FNDC3A: variants seen among roughly 807,000 people sequenced by gnomAD.
FNDC3A encodes the protein fibronectin type III domain containing 3A, also known as fibronectin type-III domain-containing protein 3A.
A neutral mutation model predicts 148.9 loss-of-function variants in FNDC3A; 32 were observed. That is an observed-to-expected ratio of 0.21 (90% confidence interval 0.16 to 0.29). The LOEUF (loss-of-function observed/expected upper bound fraction) is 0.29, where lower values mean the gene tolerates loss of function less well. Among genes scored for constraint, FNDC3A ranks in the 10% least tolerant of loss-of-function variants. FNDC3A has a pLI of 1.00. For missense variants in FNDC3A, 1,191 were observed against 1,452.8 expected, an observed-to-expected ratio of 0.82 and a Z score of 2.93; for synonymous variants, 472 against 473.6, an observed-to-expected ratio of 1.00 and a Z score of 0.04.
At chr13:49,049,134 A>T (rs1875637088) in intron 2 of FNDC3A, among the ~76,000 whole-genome samples, 1 of 152,196 alleles carries the variant, frequency 6.6e-6, no homozygotes, top group Non-Finnish European at 1.5e-5. Flanking sequence ...ATGTTAAGCC[A>T]TCCCTGCATC....
intron 2 of FNDC3A, among the ~76,000 whole-genome samples, chr13:49,054,339 G>A (rs374136122): frequency 2.6e-5 from 4 of 152,176 alleles, no homozygotes; most frequent in South Asian, 4.1e-4. Context: ...TAAAAAGAAT[G>A]TAATGGTTGA....
chr13:49,013,642 A>G (rs1466480808), intron 2 of FNDC3A, among the ~76,000 whole-genome samples: 1 of 150,842 alleles, frequency 6.6e-6, no homozygotes, highest in Non-Finnish European at 1.5e-5. Context: ...GTATACATGT[A>G]CATGTGTATA....
chr13:49,057,849 A>G (rs1016168431), intron 2 of FNDC3A, among the ~76,000 whole-genome samples: 8 of 152,172 alleles, frequency 5.3e-5, no homozygotes, highest in Non-Finnish European at 1.0e-4. Context: ...AGTTCTCTCC[A>G]TTCTCTGCAA....
In FNDC3A at chr13:49,138,807, TA is replaced by T; in HGVS notation, c.819+4del. On this transcript the variant is annotated splice_donor_region_variant and intron_variant, in intron 7 of 25. Transcript: ENST00000492622. ...CTTTCCAACATTGTCAAACCAGTGG[TA>T]AGTATCTTATGTATTTTATTGATGT... 1 of 1,446,038 alleles carries T rather than the reference TA, an allele frequency of 6.9e-7. No homozygotes were observed. The highest frequency in any genetic ancestry group is 9.6e-7 in the Non-Finnish European group (1 of 1,044,642). The allele number at this position is 1,446,038 out of a possible 1,614,324, so 89.6% of individuals were successfully genotyped here.
rs983843897 is a variant in FNDC3A at position 49,174,792 on chromosome 13, A to T, written c.1355+233A>T. On this transcript the variant is annotated intron_variant, in intron 12 of 25. Coordinates refer to ENST00000492622, the MANE Select transcript of FNDC3A (RefSeq NM_001079673.2). The stretch of plus-strand genomic sequence containing the variant: ...TCCAAGATTTTCAGATATAAATTAG[A>T]TTTTTATATGTGACAAAGAGATTTT... 3.9e-5 allele frequency among the ~76,000 whole-genome samples: 6 copies of T among 152,300 alleles called. No homozygotes were observed. In the South Asian group the frequency reaches 1.2e-3, roughly 32 times the overall value.
chr13:49,019,378 G>T (rs1008478366), intron 2 of FNDC3A, among the ~76,000 whole-genome samples: 4 of 152,244 alleles, frequency 2.6e-5, no homozygotes, highest in Admixed American at 6.5e-5. Context: ...GGTGCCGTCT[G>T]TCACCCCTTT....
chr13:49,185,430 A>G (rs994296319), intron 14 of FNDC3A, among the ~76,000 whole-genome samples: 2 of 152,112 alleles, frequency 1.3e-5, no homozygotes, highest in African/African-American at 4.8e-5. Flanking sequence ...GTTCACTCAC[A>G]TGGTTGTCTC....
At chr13:49,127,232 A>G (rs1881755777) in intron 4 of FNDC3A, among the ~76,000 whole-genome samples, 1 of 152,310 alleles carries the variant, frequency 6.6e-6, no homozygotes. Context: ...TCTCTGCTAG[A>G]TTATTTTCAT....
intron 1 of FNDC3A, among the ~76,000 whole-genome samples, chr13:48,986,542 C>T (rs975971352): frequency 2.0e-5 from 3 of 151,522 alleles, no homozygotes; most frequent in South Asian, 2.1e-4. Flanking sequence ...ACCAGAAGCA[C>T]GTGCCACCAC....
intron 4 of FNDC3A, among the ~76,000 whole-genome samples, chr13:49,115,633 T>G (rs1880902047): frequency 6.6e-6 from 1 of 152,200 alleles, no homozygotes; most frequent in Non-Finnish European, 1.5e-5. Flanking sequence ...TTTCAAACCT[T>G]TGCTGGCTGC....
rs116884218 is a variant in FNDC3A at position 49,115,541 on chromosome 13, C to A, written c.252+810C>A. Reference sequence around the variant, plus strand: ...CTGTGAAGCACACCATCATATGAACCACAGCAAAAGAAGAGCGTGCTGGGA... The same window carrying A: ...CTGTGAAGCACACCATCATATGAACAACAGCAAAAGAAGAGCGTGCTGGGA... On this transcript the variant is annotated intron_variant, in intron 4 of 25. Transcript: ENST00000492622. 1.4e-4 allele frequency among the ~76,000 whole-genome samples: 22 copies of A among 152,226 alleles called. No individual in the cohort carries two copies. The East Asian group carries it at 3.9e-3, about 27-fold the overall frequency.
intron 7 of FNDC3A, among the ~76,000 whole-genome samples, chr13:49,144,544 C>T (rs996551328): frequency 6.6e-6 from 1 of 152,152 alleles, no homozygotes; most frequent in African/African-American, 2.4e-5. Flanking sequence ...AATTTTAAAG[C>T]AAGCTTTTAT....
intron 14 of FNDC3A, among the ~76,000 whole-genome samples, chr13:49,182,402 G>A (rs1444405877): frequency 2.0e-5 from 3 of 152,120 alleles, no homozygotes; most frequent in Non-Finnish European, 4.4e-5. Flanking sequence ...GCTGGGCTAG[G>A]ACCTGGTGTC....
intron 3 of FNDC3A, among the ~76,000 whole-genome samples, chr13:49,108,315 A>G (rs1313116637): frequency 6.6e-6 from 1 of 152,208 alleles, no homozygotes; most frequent in African/African-American, 2.4e-5. Flanking sequence ...GAGAAGGGGT[A>G]GAGGGTTGTA....
At chr13:49,013,476 G>T (rs1345637767) in intron 2 of FNDC3A, among the ~76,000 whole-genome samples, 1 of 149,968 alleles carries the variant, frequency 6.7e-6, no homozygotes, top group Non-Finnish European at 1.5e-5. Flanking sequence ...ATATGTACAC[G>T]TGTATACATG....
chr13:49,110,236 A>C, intron 3 of FNDC3A: 3 of 813,486 alleles, frequency 3.7e-6, no homozygotes, highest in Non-Finnish European at 5.3e-6. Context: ...TTCCTGGGTC[A>C]CTGCAGGTCA....
intron 1 of FNDC3A, among the ~76,000 whole-genome samples, chr13:48,985,121 A>G (rs568620280): frequency 9.2e-5 from 14 of 152,356 alleles, no homozygotes; most frequent in Middle Eastern, 3.4e-3. Flanking sequence ...GGCAAGCAAT[A>G]GACTGGGATA....
chr13:49,009,128 C>G (rs935751225), intron 2 of FNDC3A, among the ~76,000 whole-genome samples: 12 of 152,160 alleles, frequency 7.9e-5, no homozygotes, highest in Non-Finnish European at 1.6e-4. Flanking sequence ...TTCACCTTTT[C>G]ATTCTTCCTT....
chr13:49,049,016 C>G (rs1359667452), intron 2 of FNDC3A, among the ~76,000 whole-genome samples: 1 of 152,098 alleles, frequency 6.6e-6, no homozygotes, highest in Non-Finnish European at 1.5e-5. Context: ...CTGTCTTAAT[C>G]ATAAAGGGGT....
Sources: gnomAD v4.1 joint callset for allele counts (sites outside exome capture counted in the v4.1 genomes callset) on GRCh38, gnomAD v4.1.1 for gene constraint, MANE v1.5 for transcripts, NCBI Gene and HGNC (gene_info 2026-07-23, HGNC 2026-07-21) for gene names.